Variants in SPAG16 observed in about 807,000 individuals in gnomAD.
SPAG16 encodes sperm-associated antigen 16 protein.
Under a neutral mutation model 80.4 loss-of-function variants are expected in SPAG16, and 86 were observed. The observed-to-expected ratio is 1.07, with a 90% CI of 0.90 to 1.28. SPAG16 has a LOEUF of 1.28. Ranked by LOEUF, SPAG16 falls within the 50% of genes most tolerant of loss-of-function variation. The pLI is 0.00. For missense variants in SPAG16, 870 were observed against 765.3 expected (o/e 1.14, Z -1.61); for synonymous variants, 294 against 265.9 (o/e 1.11, Z -1.03).
intron 15 of SPAG16, among the ~76,000 whole-genome samples, chr2:214,402,780 C>G (rs1009305589): frequency 3.3e-5 from 5 of 152,032 alleles, no homozygotes; most frequent in African/African-American, 1.2e-4. Flanking sequence ...CTGAGTTTGT[C>G]ACTTATTCCC....
At chr2:213,955,658 T>C (rs1350502703) in intron 12 of SPAG16, among the ~76,000 whole-genome samples, 2 of 152,158 alleles carry the variant, frequency 1.3e-5, no homozygotes, top group African/African-American at 2.4e-5. Flanking sequence ...TCTGGATCTC[T>C]TGGATTTCTG....
chr2:213,738,160 A>T (rs1198199491), intron 10 of SPAG16, among the ~76,000 whole-genome samples: 2 of 152,220 alleles, frequency 1.3e-5, no homozygotes, highest in African/African-American at 4.8e-5. Context: ...TTACATTCTC[A>T]AATCTCATTA....
rs371064157 is a variant in SPAG16 at position 213,796,720 on chromosome 2, A to T, written c.1071-65765A>T. Among the ~76,000 whole-genome samples, 4 of 152,366 alleles carry T rather than the reference A, an allele frequency of 2.6e-5. No homozygotes were observed. The East Asian group carries it at 7.7e-4, about 29-fold the overall frequency. On this transcript the variant is annotated intron_variant, in intron 10 of 15. Transcript: ENST00000331683. Reference sequence around the variant, plus strand: ...ACTTCTAATCATAAAAAAGTATAGCACATAAAATTATGTACAATACATAAT... The same window carrying T: ...ACTTCTAATCATAAAAAAGTATAGCTCATAAAATTATGTACAATACATAAT...
intron 12 of SPAG16, among the ~76,000 whole-genome samples, chr2:213,970,949 C>T (rs1467885747): frequency 6.6e-6 from 1 of 152,070 alleles, no homozygotes; most frequent in Non-Finnish European, 1.5e-5. Context: ...TAATGTTATA[C>T]TTGTTTTGAT....
At chr2:214,047,738 C>T (rs538341096) in intron 13 of SPAG16, among the ~76,000 whole-genome samples, 22 of 152,044 alleles carry the variant, frequency 1.4e-4, no homozygotes, top group Non-Finnish European at 2.8e-4. Context: ...AGGAAATAAT[C>T]AAAGTAAACA....
intron 12 of SPAG16, among the ~76,000 whole-genome samples, chr2:213,947,406 A>C (rs2079525381): frequency 1.3e-5 from 2 of 152,174 alleles, no homozygotes. Context: ...GTGGTATCTC[A>C]TAATGGTTTT....
intron 15 of SPAG16, among the ~76,000 whole-genome samples, chr2:214,188,054 A>G (rs2057537167): frequency 6.6e-6 from 1 of 152,074 alleles, no homozygotes; most frequent in South Asian, 2.1e-4. Context: ...ACTGGGATAG[A>G]TAGGTCAGAG....
At chr2:214,180,429 G>A (rs189496838) in intron 15 of SPAG16, among the ~76,000 whole-genome samples, 1 of 151,728 alleles carries the variant, frequency 6.6e-6, no homozygotes, top group African/African-American at 2.4e-5. Context: ...AAATAACTCA[G>A]ATATATAGTC....
At chr2:213,819,421 A>G (rs917382230) in intron 10 of SPAG16, among the ~76,000 whole-genome samples, 4 of 152,144 alleles carry the variant, frequency 2.6e-5, no homozygotes, top group Non-Finnish European at 4.4e-5. Flanking sequence ...TTTGATTATT[A>G]TCTGTCTTCC....
intron 10 of SPAG16, among the ~76,000 whole-genome samples, chr2:213,833,457 TATATATATTATATATAATA>T (rs2073808201): frequency 7.2e-4 from 1 of 1,396 alleles, no homozygotes; most frequent in African/African-American, 1.9e-3. Context: ...ATATATATTA[TATATATATTATATATAATA>T]ATATATATAT....
chr2:213,854,123 A>AT (rs2075041386), intron 10 of SPAG16, among the ~76,000 whole-genome samples: 1 of 152,222 alleles, frequency 6.6e-6, no homozygotes. Context: ...TGATGGCTAC[A>AT]TTTTTGCCAG....
intron 10 of SPAG16, among the ~76,000 whole-genome samples, chr2:213,714,514 C>T (rs2066146489): frequency 6.6e-6 from 1 of 152,032 alleles, no homozygotes; most frequent in Non-Finnish European, 1.5e-5. Flanking sequence ...AAATTGGAAA[C>T]TCAAATTATT....
intron 13 of SPAG16, among the ~76,000 whole-genome samples, chr2:214,035,997 T>TGA (rs2048677191): frequency 6.6e-6 from 1 of 152,238 alleles, no homozygotes; most frequent in Admixed American, 6.5e-5. Flanking sequence ...TAATATCCAT[T>TGA]GATGATTCTC....
intron 12 of SPAG16, among the ~76,000 whole-genome samples, chr2:214,001,965 C>G (rs546216499): frequency 1.3e-5 from 2 of 152,282 alleles, no homozygotes; most frequent in East Asian, 3.9e-4. Context: ...TCTGAGGAGG[C>G]TTCACAATTG....
intron 13 of SPAG16, among the ~76,000 whole-genome samples, chr2:214,039,399 T>A (rs957874569): frequency 1.3e-5 from 2 of 152,226 alleles, no homozygotes; most frequent in African/African-American, 4.8e-5. Context: ...TGTTTGGACT[T>A]CATGTCTAAA....
rs1358263195 is a variant in SPAG16 at position 213,398,531 on chromosome 2, C to G, written c.942+23412C>G. ...GGTATGCCCCACCTTGAGGCTCTTG[C>G]ACTTGAGTTTTTATCTTCTGTCTGT... On this transcript the variant is annotated intron_variant, in intron 9 of 15. Coordinates refer to ENST00000331683, the MANE Select transcript of SPAG16 (RefSeq NM_024532.5). 3.9e-5 allele frequency among the ~76,000 whole-genome samples: 6 copies of G among 152,130 alleles called. No homozygotes were observed. The East Asian group carries it at 7.7e-4, about 19-fold the overall frequency.
At chr2:213,802,740 CAG>C (rs2071497333) in intron 10 of SPAG16, among the ~76,000 whole-genome samples, 1 of 152,054 alleles carries the variant, frequency 6.6e-6, no homozygotes, top group South Asian at 2.1e-4. Flanking sequence ...TGTGATTACT[CAG>C]AGTTTAATTT....
At chr2:213,737,365 T>C (rs1009473245) in intron 10 of SPAG16, among the ~76,000 whole-genome samples, 6 of 152,212 alleles carry the variant, frequency 3.9e-5, no homozygotes, top group African/African-American at 1.4e-4. Context: ...TGTAATTCTG[T>C]ATTTCTACGG....
At chr2:214,361,471 G>T (rs899550823) in intron 15 of SPAG16, among the ~76,000 whole-genome samples, 2 of 151,782 alleles carry the variant, frequency 1.3e-5, no homozygotes, top group African/African-American at 4.8e-5. Context: ...CATTAAATGT[G>T]AATGGTTAGT....
Sources: gnomAD v4.1 joint callset for allele counts (sites outside exome capture counted in the v4.1 genomes callset) on GRCh38, gnomAD v4.1.1 for gene constraint, MANE v1.5 for transcripts, NCBI Gene and HGNC (gene_info 2026-07-23, HGNC 2026-07-21) for gene names.